CUBN: variants seen among roughly 807,000 people sequenced by gnomAD.
The protein encoded by CUBN is cubilin, also known as 460 kDa receptor.
CUBN carries 282 observed loss-of-function variants against 405.3 expected under a neutral mutation model. The observed-to-expected ratio is 0.70, with a 90% CI of 0.63 to 0.77. CUBN has a LOEUF of 0.77. Among genes scored for constraint, CUBN ranks in the 30% least tolerant of loss-of-function variants. CUBN has a pLI of 0.00. For missense variants in CUBN, 4,514 were observed against 4,475.2 expected, an observed-to-expected ratio of 1.01 and a Z score of -0.25; for synonymous variants, 1,684 against 1,617.0, an observed-to-expected ratio of 1.04 and a Z score of -0.99.
At chr10:16,870,353 C>T (rs1840315551) in intron 58 of CUBN, among the ~76,000 whole-genome samples, 1 of 152,158 alleles carries the variant, frequency 6.6e-6, no homozygotes, top group African/African-American at 2.4e-5. Context: ...GTCTCATTTT[C>T]CTCTTTTAAA....
At chr10:16,828,167 T>TC (rs66779223) in intron 66 of CUBN, among the ~76,000 whole-genome samples, 1 of 110,052 alleles carries the variant, frequency 9.1e-6, no homozygotes, top group African/African-American at 3.2e-5. Context: ...CAGAGGGAGC[T>TC]TTTTTTTAAA....
chr10:16,824,813 C>A lies in CUBN; in HGVS notation c.*162G>T. ...GAGAATACAGGGGGGTGAGCCACCACGCCTGGCCTACAAATATTGATTCTA... is the reference window on the plus strand; with the variant it reads ...GAGAATACAGGGGGGTGAGCCACCAAGCCTGGCCTACAAATATTGATTCTA... On this transcript the variant is annotated 3_prime_UTR_variant, in exon 67 of 67. Coordinates refer to ENST00000377833, the MANE Select transcript of CUBN (RefSeq NM_001081.4). 3.0e-6 allele frequency: 2 copies of A among 656,946 alleles called. No individual in the cohort carries two copies. The highest frequency in any genetic ancestry group is 1.5e-5 in the South Asian group (1 of 65,578). The allele number at this position is 656,946 out of a possible 1,614,324, so 40.7% of individuals were successfully genotyped here. A position where few individuals can be genotyped will look rare whatever the true frequency, so the allele number is the denominator to read the frequency against.
chr10:16,836,979 T>G (rs1366754303), intron 62 of CUBN, among the ~76,000 whole-genome samples: 1 of 152,084 alleles, frequency 6.6e-6, no homozygotes, highest in African/African-American at 2.4e-5. Flanking sequence ...TGTACCAAAG[T>G]CAGGGTATTT....
At chr10:16,908,791 A>G (rs1377411015) in intron 48 of CUBN, among the ~76,000 whole-genome samples, 1 of 152,186 alleles carries the variant, frequency 6.6e-6, no homozygotes, top group Admixed American at 6.5e-5. Context: ...TGAATGACTC[A>G]AGATTAGAAA....
chr10:16,947,249 G>C lies in CUBN; in HGVS notation c.5328C>G (p.Leu1776=), dbSNP rs763877780. 16 of 1,613,988 alleles carry C rather than the reference G, an allele frequency of 9.9e-6. No individual in the cohort carries two copies. The African/African-American group carries it at 2.1e-4, about 22-fold the overall frequency. Residue 1776 remains leucine (L), a synonymous_variant, in exon 36 of 67, where the codon CTC becomes CTG. Coordinates refer to ENST00000377833, the MANE Select transcript of CUBN (RefSeq NM_001081.4). ...WNIVSSPGNR[L]QLSFISFQLE... ...AAAGGATTTACATAAAAGACAGCTG[G>C]AGCCGGTTGCCAGGGGAACTGACGA...
chr10:16,846,932 A>C (rs1221725571), intron 60 of CUBN, among the ~76,000 whole-genome samples: 6 of 152,104 alleles, frequency 3.9e-5, no homozygotes, highest in Non-Finnish European at 8.8e-5. Flanking sequence ...TGGCAGAAAA[A>C]GTCAGCTAGG....
At chr10:17,106,597 C>CAGAAA (rs368335464) in intron 10 of CUBN, among the ~76,000 whole-genome samples, 2 of 111,130 alleles carry the variant, frequency 1.8e-5, no homozygotes, top group African/African-American at 6.6e-5. Flanking sequence ...AACGCCATCT[C>CAGAAA]AAAAAAAAAA....
Position 16,906,375 on chromosome 10 carries a change from T to C in CUBN, c.7740A>G (p.Gly2580=). ...CGTCATAGCCAGGAGAAGTAAAGTT[T>C]CCTTCAGGAGTATTTGGAAGAGACC... is the stretch of plus-strand genomic sequence containing the variant. ...CGGSLPNTPE[G]NFTSPGYDGV... The change falls in exon 50 of 67, where the codon GGA becomes GGG. Residue 2580 remains glycine, a synonymous_variant. Coordinates refer to ENST00000377833, the MANE Select transcript of CUBN (RefSeq NM_001081.4). 6.2e-7 allele frequency: 1 copy of C among 1,614,020 alleles called. No individual in the cohort carries two copies. The highest frequency in any genetic ancestry group is 1.1e-5 in the South Asian group (1 of 91,080).
intron 27 of CUBN, among the ~76,000 whole-genome samples, chr10:17,024,781 CA>C (rs1280874392): frequency 7.2e-5 from 11 of 152,178 alleles, no homozygotes; most frequent in African/African-American, 2.4e-4. Context: ...GCTGAGATTA[CA>C]AGTGCGAGCC....
chr10:17,055,629 C>G (rs1358534469), intron 22 of CUBN, among the ~76,000 whole-genome samples: 1 of 151,814 alleles, frequency 6.6e-6, no homozygotes, highest in African/African-American at 2.4e-5. Flanking sequence ...GCCAAACAAC[C>G]AGAAAGTAAA....
chr10:17,123,981 C>A (rs1382510004), intron 4 of CUBN, among the ~76,000 whole-genome samples: 4 of 152,194 alleles, frequency 2.6e-5, no homozygotes, highest in African/African-American at 4.8e-5. Flanking sequence ...GTATTATTCT[C>A]ACCTGAGAAA....
Position 16,947,270 on chromosome 10 carries a change from G to A in CUBN, c.5307C>T (p.Val1769=), listed in dbSNP as rs895360819. The A allele has an allele frequency of 4.3e-6, 7 of 1,613,970 alleles. No homozygotes were observed. In the African/African-American group the frequency reaches 5.3e-5, roughly 12 times the overall value. The change falls in exon 36 of 67, where the codon GTC becomes GTT. Residue 1769 remains valine (V), a synonymous_variant. Transcript: ENST00000377833. ...GCTGGAGCCGGTTGCCAGGGGAACT[G>A]ACGATGTTCCAGACACATTCCACAT... is the stretch of plus-strand genomic sequence containing the variant. ...PPNVECVWNI[V]SSPGNRLQLS...
At chr10:17,073,198 C>A (rs1455902342) in intron 17 of CUBN, among the ~76,000 whole-genome samples, 1 of 152,036 alleles carries the variant, frequency 6.6e-6, no homozygotes. Flanking sequence ...ATCCTAAACA[C>A]AGTTCTAGAA....
In CUBN at chr10:16,869,755, A is replaced by G. The variant is rs150985118; in HGVS notation, c.9335T>C (p.Phe3112Ser). ...ANTSDPLLGKFCGSKRPPNVK... is the reference protein window; with the variant it reads ...ANTSDPLLGKSCGSKRPPNVK... Reference sequence around the variant, plus strand: ...ATTTGGTGGGCGCTTGGAACCGCAGAATTTGCCAAGAAGGGGATCGCTGGT... The same window carrying G: ...ATTTGGTGGGCGCTTGGAACCGCAGGATTTGCCAAGAAGGGGATCGCTGGT... The change falls in exon 59 of 67, where the codon TTC becomes TCC. Residue 3112 changes from phenylalanine to serine, a missense_variant. Phe to Ser is a radical substitution (Grantham distance 155, BLOSUM62 -2). Coordinates refer to ENST00000377833, the MANE Select transcript of CUBN (RefSeq NM_001081.4). 1.4e-4 allele frequency: 222 copies of G among 1,614,118 alleles called. 1 individual carries two copies. The East Asian group carries it at 2.5e-3, about 18-fold the overall frequency.
intron 28 of CUBN, among the ~76,000 whole-genome samples, chr10:17,009,574 A>G (rs1282319778): frequency 6.6e-6 from 1 of 152,156 alleles, no homozygotes; most frequent in Non-Finnish European, 1.5e-5. Flanking sequence ...CACTTAGGAG[A>G]AAGTAATCAG....
intron 30 of CUBN, 48 bp from the exon 31 acceptor site, chr10:16,982,701 C>T (rs747477838): frequency 5.3e-6 from 8 of 1,511,524 alleles, no homozygotes; most frequent in Admixed American, 1.7e-5. Flanking sequence ...CATGGATGCT[C>T]GAAAATAATC....
intron 17 of CUBN, 99 bp downstream of exon 17, chr10:17,084,171 TG>T: frequency 8.6e-7 from 1 of 1,163,076 alleles, no homozygotes; most frequent in Non-Finnish European, 1.3e-6. Flanking sequence ...TCAGGTATTC[TG>T]GCTGCTGGTG....
At chr10:16,973,347 C>A (rs945376034) in intron 31 of CUBN, among the ~76,000 whole-genome samples, 1 of 152,196 alleles carries the variant, frequency 6.6e-6, no homozygotes, top group Non-Finnish European at 1.5e-5. Context: ...CGGCCATTTT[C>A]ACAATGATTC....
Position 16,824,855 on chromosome 10 carries a change from A to C in CUBN, c.*120T>G, listed in dbSNP as rs1838727030. ...TTGATTCTATCCATGGTTTGGTGAA[A>C]AACCATACAAGTTCAGCTTATTCTC... is the stretch of plus-strand genomic sequence containing the variant. On this transcript the variant is annotated 3_prime_UTR_variant, in exon 67 of 67. Coordinates refer to ENST00000377833, the MANE Select transcript of CUBN (RefSeq NM_001081.4). 1.3e-6 allele frequency: 1 copy of C among 770,996 alleles called. No individual in the cohort carries two copies. The highest frequency in any genetic ancestry group is 2.3e-6 in the Non-Finnish European group (1 of 441,872). The allele number at this position is 770,996 out of a possible 1,614,324, so 47.8% of individuals were successfully genotyped here. A position where few individuals can be genotyped will look rare whatever the true frequency, so the allele number is the denominator to read the frequency against.
Sources: allele counts gnomAD v4.1 joint callset (sites outside exome capture counted in the v4.1 genomes callset), GRCh38; gene constraint gnomAD v4.1.1; transcripts MANE v1.5; gene names NCBI Gene and HGNC (gene_info 2026-07-23, HGNC 2026-07-21).